ARL13B: variants seen among roughly 807,000 people sequenced by gnomAD.
ARL13B encodes the protein ARF like GTPase 13B, also known as ADP-ribosylation factor-like protein 13B.
A neutral mutation model predicts 56.1 loss-of-function variants in ARL13B; 36 were observed. The ratio of observed to expected loss-of-function variants is 0.64; its 90% CI spans 0.49 to 0.85. The LOEUF (loss-of-function observed/expected upper bound fraction) is 0.85. Among genes scored for constraint, ARL13B ranks in the 40% least tolerant of loss-of-function variants. The pLI is 0.00. For missense variants in ARL13B, 519 were observed against 507.1 expected (o/e 1.02, Z -0.23); for synonymous variants, 178 against 171.1 (o/e 1.04, Z -0.32).
chr3:93,994,445 G>A (rs574554597), intron 1 of ARL13B, among the ~76,000 whole-genome samples: 8 of 113,174 alleles, frequency 7.1e-5, no homozygotes, highest in African/African-American at 1.0e-4. Context: ...TTTTTTCCCC[G>A]TAGTACCTAA....
intron 3 of ARL13B, among the ~76,000 whole-genome samples, chr3:94,027,497 A>G (rs1484835469): frequency 6.6e-6 from 1 of 152,122 alleles, no homozygotes. Context: ...AGTAAGCTGT[A>G]CATACATAAA....
intron 1 of ARL13B, among the ~76,000 whole-genome samples, chr3:93,985,544 A>G (rs1710417758): frequency 6.6e-6 from 1 of 152,348 alleles, no homozygotes; most frequent in Non-Finnish European, 1.5e-5. Flanking sequence ...ATGAAAATAT[A>G]CATGTTATAT....
At chr3:94,030,530 C>T (rs774382295) in intron 3 of ARL13B, among the ~76,000 whole-genome samples, 61 of 152,024 alleles carry the variant, frequency 4.0e-4, no homozygotes, top group East Asian at 5.8e-4. Context: ...CCACGTCCAG[C>T]CGATATAAAT....
intron 1 of ARL13B, among the ~76,000 whole-genome samples, chr3:93,992,006 C>T (rs763809071): frequency 6.6e-6 from 1 of 151,996 alleles, no homozygotes; most frequent in Admixed American, 6.6e-5. Flanking sequence ...TTATTTTATG[C>T]CAGTCTCAAC....
chr3:93,997,067 A>G (rs1482409030), intron 2 of ARL13B, among the ~76,000 whole-genome samples: 1 of 151,132 alleles, frequency 6.6e-6, no homozygotes, highest in Non-Finnish European at 1.5e-5. Context: ...ACTGCCTCCC[A>G]TCACCCCCCC....
At chr3:93,999,517 C>T (rs2076020261) in intron 2 of ARL13B, among the ~76,000 whole-genome samples, 2 of 152,028 alleles carry the variant, frequency 1.3e-5, no homozygotes, top group African/African-American at 4.8e-5. Flanking sequence ...GCATGCAAGG[C>T]ATAATAATTT....
chr3:94,001,563 C>T (rs1244410412), intron 2 of ARL13B, among the ~76,000 whole-genome samples: 2 of 152,124 alleles, frequency 1.3e-5, no homozygotes, highest in African/African-American at 4.8e-5. Flanking sequence ...CCTTGAATTC[C>T]TACACACTAT....
chr3:93,983,815 G>A (rs922797911), intron 1 of ARL13B, among the ~76,000 whole-genome samples: 17 of 152,064 alleles, frequency 1.1e-4, no homozygotes, highest in African/African-American at 3.4e-4. Context: ...AGTGTTTGTC[G>A]TAGCTACTGT....
intron 1 of ARL13B, among the ~76,000 whole-genome samples, chr3:93,989,858 G>C: frequency 6.6e-6 from 1 of 152,244 alleles, no homozygotes; most frequent in Admixed American, 6.5e-5. Context: ...TAATACTACA[G>C]AGTCCTTTGT....
At chr3:94,011,417 C>T (rs2076222808) in intron 3 of ARL13B, among the ~76,000 whole-genome samples, 1 of 152,138 alleles carries the variant, frequency 6.6e-6, no homozygotes, top group Admixed American at 6.5e-5. Context: ...GACAGTTTCC[C>T]TCCTTGTCCT....
chr3:94,033,511 C>G (rs1456794041), intron 3 of ARL13B, among the ~76,000 whole-genome samples: 3 of 151,882 alleles, frequency 2.0e-5, no homozygotes, highest in African/African-American at 7.3e-5. Context: ...TAAGAGGCAC[C>G]AAGTAGTTGG....
chr3:94,014,949 T>G lies in ARL13B; in HGVS notation c.380+11041T>G, dbSNP rs149433236. On this transcript the variant is annotated intron_variant, in intron 3 of 9. Transcript: ENST00000394222. ...CTTCTTTAACTAAATCATTCAAACT[T>G]CTGTTGATGTATTCTGCCTGAATTT... 3.8e-4 allele frequency: 610 copies of G among 1,613,940 alleles called. 1 individual carries two copies. Among genetic ancestry groups the G allele is most frequent in the Admixed American group, 1.5e-3 (91 of 60,008 alleles).
chr3:94,013,779 T>C (rs2076269693), intron 3 of ARL13B, among the ~76,000 whole-genome samples: 1 of 152,054 alleles, frequency 6.6e-6, no homozygotes, highest in African/African-American at 2.4e-5. Flanking sequence ...AACCACCCCC[T>C]CTACTAAAAA....
Position 93,984,975 on chromosome 3 carries a change from A to G in ARL13B, c.59+4493A>G, listed in dbSNP as rs530494476. 2.4e-4 allele frequency among the ~76,000 whole-genome samples: 36 copies of G among 152,236 alleles called. No homozygotes were observed. The East Asian group carries it at 7.0e-3, about 29-fold the overall frequency. ...CAGTAAGCCCAGGTTGCCCCACTGC[A>G]GCCTAGCCTGGGTGACAAAGTGAAA... On this transcript the variant is annotated intron_variant, in intron 1 of 9. Transcript: ENST00000394222.
intron 1 of ARL13B, among the ~76,000 whole-genome samples, chr3:93,981,368 G>GTT (rs531990222): frequency 6.9e-6 from 1 of 145,286 alleles, no homozygotes; most frequent in African/African-American, 2.5e-5. Context: ...AAGCAAAGTT[G>GTT]TTTTTTTTTT....
At chr3:94,005,074 C>CA (rs1331009499) in intron 3 of ARL13B, among the ~76,000 whole-genome samples, 1 of 151,978 alleles carries the variant, frequency 6.6e-6, no homozygotes, top group Non-Finnish European at 1.5e-5. Context: ...TGGATTTATT[C>CA]ATTAATACAT....
At position 94,053,636 on chromosome 3, in the gene ARL13B, A is replaced by T. The variant is rs1432428104; in HGVS notation, c.*373A>T. 5 of 446,030 alleles carry T rather than the reference A, an allele frequency of 1.1e-5. No homozygotes were observed. In the East Asian group the frequency reaches 3.4e-4, roughly 30 times the overall value. The allele number at this position is 446,030 out of a possible 1,614,324, so 27.6% of individuals were successfully genotyped here. A position where few individuals can be genotyped will look rare whatever the true frequency, so the allele number is the denominator to read the frequency against. On this transcript the variant is annotated 3_prime_UTR_variant, in exon 10 of 10. Coordinates refer to ENST00000394222, the MANE Select transcript of ARL13B (RefSeq NM_001174150.2). ...CAATAGCCTATATTTCTAGATATTA[A>T]ATATTTTTTGTAAGATATATGCACA...
In ARL13B at chr3:94,053,588, C is replaced by T; in HGVS notation, c.*325C>T. 1 of 504,266 alleles carries T rather than the reference C, an allele frequency of 2.0e-6. No homozygotes were observed. The highest frequency in any genetic ancestry group is 3.8e-6 in the Non-Finnish European group (1 of 260,678). 31.2% of individuals were successfully genotyped at this position (504,266 alleles called of 1,614,324 possible). A position where few individuals can be genotyped will look rare whatever the true frequency, so the allele number is the denominator to read the frequency against. On this transcript the variant is annotated 3_prime_UTR_variant, in exon 10 of 10. Coordinates refer to ENST00000394222, the MANE Select transcript of ARL13B (RefSeq NM_001174150.2). Reference sequence around the variant, plus strand: ...ACTTTACAAAAAGAGCCAATGGACTCAGCACTTTCTTTACTATTTGTTCAA... The same window carrying T: ...ACTTTACAAAAAGAGCCAATGGACTTAGCACTTTCTTTACTATTTGTTCAA...
chr3:94,011,920 C>G (rs187373557), intron 3 of ARL13B, among the ~76,000 whole-genome samples: 1 of 152,170 alleles, frequency 6.6e-6, no homozygotes, highest in African/African-American at 2.4e-5. Flanking sequence ...TCTATAATTC[C>G]TTGAAACTGC....
Sources: gnomAD v4.1 joint callset for allele counts (sites outside exome capture counted in the v4.1 genomes callset) on GRCh38, gnomAD v4.1.1 for gene constraint, MANE v1.5 for transcripts, NCBI Gene and HGNC (gene_info 2026-07-23, HGNC 2026-07-21) for gene names.